PRDM16: variants seen among roughly 807,000 people sequenced by gnomAD.
PRDM16 encodes the protein histone-lysine N-methyltransferase PRDM16.
Under a neutral mutation model 110.6 loss-of-function variants are expected in PRDM16, and 23 were observed. The ratio of observed to expected loss-of-function variants is 0.21; its 90% CI spans 0.15 to 0.29. PRDM16 has a LOEUF of 0.29. Ranked by LOEUF, PRDM16 falls within the 10% of genes least tolerant of loss-of-function variation. PRDM16 has a pLI of 1.00. For synonymous variants in PRDM16, 799 were observed against 781.8 expected (o/e 1.02, Z -0.37); for missense variants, 1,615 against 1,794.3 (o/e 0.90, Z 1.81).
Position 3,411,578 on chromosome 1 carries a change from C to G in PRDM16, c.1381C>G (p.Leu461Val), listed in dbSNP as rs1643686601. ...YTPGGIFAPG[L>V]PLTPSPMMDK... is the part of the protein sequence containing the mutation. ...GCCGGGCGGCATCTTTGCCCCGGGC[C>G]TGCCCTTGACCCCCAGCCCCATGAT... is the stretch of plus-strand genomic sequence containing the variant. Residue 461 changes from leucine (L) to valine (V), a missense_variant, in exon 9 of 17, where the codon CTG (leucine) becomes GTG (valine). Physicochemically the swap from Leu to Val is conservative, Grantham distance 32. Transcript: ENST00000270722. 6.2e-7 allele frequency: 1 copy of G among 1,613,976 alleles called. No individual in the cohort carries two copies. Among genetic ancestry groups the G allele is most frequent in the Non-Finnish European group, 8.5e-7 (1 of 1,180,038 alleles).
intron 3 of PRDM16, among the ~76,000 whole-genome samples, chr1:3,256,484 C>T (rs1053934231): frequency 3.3e-5 from 5 of 152,004 alleles, no homozygotes; most frequent in Admixed American, 6.6e-5. Context: ...GGGGGAATTG[C>T]GGGGAGACAG....
chr1:3,194,495 A>C lies in PRDM16; in HGVS notation c.387+8021A>C, dbSNP rs549613788. Among the ~76,000 whole-genome samples, 7 of 152,188 alleles carry C rather than the reference A, an allele frequency of 4.6e-5. No individual in the cohort carries two copies. In the East Asian group the frequency reaches 1.4e-3, roughly 30 times the overall value. On this transcript the variant is annotated intron_variant, in intron 2 of 16. Transcript: ENST00000270722. The stretch of plus-strand genomic sequence containing the variant: ...TGGCAGGTGCTGGGGACCTCGGCTC[A>C]GGCTGGAGTCTCAGGGAGGGAGGCT...
chr1:3,422,835 G>T (rs1253286510), intron 12 of PRDM16, among the ~76,000 whole-genome samples: 1 of 152,246 alleles, frequency 6.6e-6, no homozygotes, highest in African/African-American at 2.4e-5. Flanking sequence ...AAGCCAGGGC[G>T]CTGCCTGTCA....
At chr1:3,240,741 G>A (rs1639651193) in intron 2 of PRDM16, among the ~76,000 whole-genome samples, 1 of 152,244 alleles carries the variant, frequency 6.6e-6, no homozygotes, top group Non-Finnish European at 1.5e-5. Flanking sequence ...GAACTCCAGA[G>A]CCCTAAGCGC....
chr1:3,422,691 A>AG lies in PRDM16; in HGVS notation c.2940-2884dup, dbSNP rs1185133025. The stretch of plus-strand genomic sequence containing the variant: ...GGAGATTGTGTGGGACACGTCGGGT[A>AG]GGGGGGCACCCAAGCATCTCCAACC... On this transcript the variant is annotated intron_variant, in intron 12 of 16. Coordinates refer to ENST00000270722, the MANE Select transcript of PRDM16 (RefSeq NM_022114.4). Among the ~76,000 whole-genome samples the AG allele has an allele frequency of 7.2e-5, 11 of 152,190 alleles. 1 individual carries two copies. The highest frequency in any genetic ancestry group is 3.2e-3 in the Middle Eastern group (1 of 316).
At chr1:3,399,919 C>T (rs1643439944) in intron 5 of PRDM16, among the ~76,000 whole-genome samples, 1 of 152,166 alleles carries the variant, frequency 6.6e-6, no homozygotes. Context: ...ACGTTGGAAT[C>T]CACCCACAGG....
intron 1 of PRDM16, among the ~76,000 whole-genome samples, chr1:3,121,687 G>A (rs1322359332): frequency 1.3e-5 from 2 of 152,262 alleles, no homozygotes; most frequent in Non-Finnish European, 2.9e-5. Flanking sequence ...GCTGATTAGG[G>A]GATCCGGGGC....
chr1:3,092,016 C>T (rs542702606), intron 1 of PRDM16, among the ~76,000 whole-genome samples: 6 of 152,298 alleles, frequency 3.9e-5, no homozygotes, highest in East Asian at 3.9e-4. Flanking sequence ...GGGGAGGGGA[C>T]GCAGGTCCCC....
At chr1:3,424,158 G>A (rs181489525) in intron 12 of PRDM16, among the ~76,000 whole-genome samples, 141 of 152,326 alleles carry the variant, frequency 9.3e-4, no homozygotes, top group East Asian at 5.8e-4. Context: ...GGCAGCGCAC[G>A]TGCATCTACA....
chr1:3,331,837 G>A (rs763392635), intron 3 of PRDM16, among the ~76,000 whole-genome samples: 10 of 152,286 alleles, frequency 6.6e-5, no homozygotes, highest in Non-Finnish European at 1.3e-4. Context: ...GCTGTGGCCC[G>A]GCCCCGTCTG....
intron 1 of PRDM16, among the ~76,000 whole-genome samples, chr1:3,108,578 G>A (rs1169086264): frequency 2.6e-5 from 4 of 152,184 alleles, no homozygotes; most frequent in Non-Finnish European, 4.4e-5. Flanking sequence ...TGGAGTAATC[G>A]CCATATGCTA....
At chr1:3,379,135 C>G (rs1643049769) in intron 3 of PRDM16, among the ~76,000 whole-genome samples, 1 of 67,918 alleles carries the variant, frequency 1.5e-5, no homozygotes, top group Non-Finnish European at 3.3e-5. Flanking sequence ...CCTCCCAACA[C>G]ACCCCTCCCA....
At chr1:3,416,276 C>A (rs1275536678) in intron 10 of PRDM16, among the ~76,000 whole-genome samples, 1 of 152,214 alleles carries the variant, frequency 6.6e-6, no homozygotes, top group Non-Finnish European at 1.5e-5. Context: ...CTGGATAAGT[C>A]CCTGGCAAGC....
Position 3,430,831 on chromosome 1 carries a change from A to G in PRDM16, c.3285-41A>G, listed in dbSNP as rs1006535402. 3.1e-6 allele frequency: 5 copies of G among 1,606,176 alleles called. No individual in the cohort carries two copies. In the African/African-American group the frequency reaches 6.7e-5, roughly 21 times the overall value. On this transcript the variant is annotated intron_variant, in intron 14 of 16. Transcript: ENST00000270722. ...CTTTGGGGGTCCATGGGAAGGACAG[A>G]GACACCCAAACTCAGTCAATCTCCT...
rs894108894 is a variant in PRDM16 at position 3,365,886 on chromosome 1, G to T, written c.439-19266G>T. 2.0e-5 allele frequency among the ~76,000 whole-genome samples: 3 copies of T among 152,286 alleles called. No homozygotes were observed. In the South Asian group the frequency reaches 6.2e-4, roughly 32 times the overall value. ...CTGTCAGCTGCACGTGTTTATGTGCGCAGGGATGCACGTGCACACACATGC... is the reference window on the plus strand; with the variant it reads ...CTGTCAGCTGCACGTGTTTATGTGCTCAGGGATGCACGTGCACACACATGC... On this transcript the variant is annotated intron_variant, in intron 3 of 16. Coordinates refer to ENST00000270722, the MANE Select transcript of PRDM16 (RefSeq NM_022114.4).
Position 3,425,845 on chromosome 1 carries a change from G to T in PRDM16, c.3109+95G>T, listed in dbSNP as rs1638588632. ...ACAGCAGGGGAGTGGGCGCCGGGCAGGGAAGAGGGCCACAGACTACCCCTC... is the reference window on the plus strand; with the variant it reads ...ACAGCAGGGGAGTGGGCGCCGGGCATGGAAGAGGGCCACAGACTACCCCTC... On this transcript the variant is annotated intron_variant, in intron 13 of 16. Coordinates refer to ENST00000270722, the MANE Select transcript of PRDM16 (RefSeq NM_022114.4). This position sits in a 1 kb window ranked among gnomAD's most constrained non-coding sequence, Gnocchi z 6.9. 2.0e-6 allele frequency: 3 copies of T among 1,486,182 alleles called. No homozygotes were observed. The highest frequency in any genetic ancestry group is 2.8e-6 in the Non-Finnish European group (3 of 1,087,288). The allele number at this position is 1,486,182 out of a possible 1,614,324, so 92.1% of individuals were successfully genotyped here.
intron 2 of PRDM16, among the ~76,000 whole-genome samples, chr1:3,189,496 G>A (rs1346955867): frequency 6.6e-6 from 1 of 152,230 alleles, no homozygotes; most frequent in Non-Finnish European, 1.5e-5. Context: ...GACAACCCAT[G>A]CGTGCGTGTC....
chr1:3,336,683 TG>T (rs1642161969), intron 3 of PRDM16, among the ~76,000 whole-genome samples: 1 of 150,394 alleles, frequency 6.6e-6, no homozygotes, highest in South Asian at 2.1e-4. Flanking sequence ...CACACATATG[TG>T]TTTTTGTGAA....
At chr1:3,251,093 C>T (rs920976193) in intron 3 of PRDM16, among the ~76,000 whole-genome samples, 4 of 152,236 alleles carry the variant, frequency 2.6e-5, no homozygotes, top group African/African-American at 7.2e-5. Context: ...CACACTCAGA[C>T]GCTGCCTTAA....
Sources: gnomAD v4.1 joint callset for allele counts (sites outside exome capture counted in the v4.1 genomes callset) on GRCh38, gnomAD v4.1.1 for gene constraint, Gnocchi (gnomAD v3.1) non-coding constraint, MANE v1.5 for transcripts, NCBI Gene and HGNC (gene_info 2026-07-23, HGNC 2026-07-21) for gene names.